Variants in RSPO4 observed in about 807,000 individuals in gnomAD.
RSPO4 encodes the protein R-spondin-4.
A neutral mutation model predicts 24.8 loss-of-function variants in RSPO4; 23 were observed. The observed-to-expected ratio is 0.93, with a 90% CI of 0.67 to 1.31. The LOEUF is 1.31. RSPO4 is among the 40% of genes most tolerant of loss of function. The pLI is 0.00. For missense variants in RSPO4, 333 were observed against 316.5 expected (o/e 1.05, Z -0.39); for synonymous variants, 141 against 127.4 (o/e 1.11, Z -0.72).
intron 4 of RSPO4, among the ~76,000 whole-genome samples, chr20:962,542 C>CTT (rs1984035029): frequency 1.3e-5 from 2 of 152,182 alleles, no homozygotes; most frequent in Non-Finnish European, 2.9e-5. Context: ...GAACTGTCTG[C>CTT]CTCCTGTGTG....
rs1568899184 is a variant in RSPO4 at position 959,999 on chromosome 20, C to T, written c.*358G>A. On this transcript the variant is annotated 3_prime_UTR_variant, in exon 5 of 5. Transcript: ENST00000217260. Reference sequence around the variant, plus strand: ...CAGGGGAGGGCACAGGCTCATGGTCCCTCTTAAAGTGTGTGTGAGAGGGAG... The same window carrying T: ...CAGGGGAGGGCACAGGCTCATGGTCTCTCTTAAAGTGTGTGTGAGAGGGAG... 3.5e-6 allele frequency: 1 copy of T among 285,334 alleles called. No individual in the cohort carries two copies. Among genetic ancestry groups the T allele is most frequent in the Non-Finnish European group, 6.6e-6 (1 of 150,830 alleles). 17.7% of individuals were successfully genotyped at this position (285,334 alleles called of 1,614,324 possible).
Position 983,524 on chromosome 20 carries a change from AC to A in RSPO4, c.80-15387del, listed in dbSNP as rs562135954. Among the ~76,000 whole-genome samples, 4 of 152,112 alleles carry A rather than the reference AC, an allele frequency of 2.6e-5. 1 individual carries two copies. The South Asian group carries it at 8.3e-4, about 32-fold the overall frequency. On this transcript the variant is annotated intron_variant, in intron 1 of 4. Transcript: ENST00000217260. ...AGAGGCAGCCTCTGAGAGCTTGGAT[AC>A]CCCCTAAGGAACCTTTGAACCCCAG...
At chr20:976,186 C>T (rs538501567) in intron 1 of RSPO4, among the ~76,000 whole-genome samples, 7 of 152,190 alleles carry the variant, frequency 4.6e-5, no homozygotes, top group Non-Finnish European at 1.0e-4. Flanking sequence ...ACAGTAGGTG[C>T]TCCTCTGTAA....
At chr20:961,085 C>T (rs886339246) in intron 4 of RSPO4, among the ~76,000 whole-genome samples, 4 of 152,078 alleles carry the variant, frequency 2.6e-5, no homozygotes, top group African/African-American at 9.7e-5. Flanking sequence ...TGCCAGGCTA[C>T]CTTTCCTTTC....
At chr20:988,487 G>T (rs1196760046) in intron 1 of RSPO4, among the ~76,000 whole-genome samples, 1 of 152,150 alleles carries the variant, frequency 6.6e-6, no homozygotes, top group Non-Finnish European at 1.5e-5. Context: ...AGATTAAAGG[G>T]TAAGTGACTC....
chr20:996,349 G>T (rs1289869599), intron 1 of RSPO4, among the ~76,000 whole-genome samples: 2 of 152,082 alleles, frequency 1.3e-5, no homozygotes, highest in African/African-American at 4.8e-5. Context: ...TAAACTAATG[G>T]GAGCTTCAGT....
At position 970,080 on chromosome 20, in the gene RSPO4, T is replaced by C. The variant is rs972648651; in HGVS notation, c.80-1942A>G. Among the ~76,000 whole-genome samples, 1 of 151,886 alleles carries C rather than the reference T, an allele frequency of 6.6e-6. No individual in the cohort carries two copies. Among genetic ancestry groups the C allele is most frequent in the Non-Finnish European group, 1.5e-5 (1 of 67,968 alleles). On this transcript the variant is annotated intron_variant, in intron 1 of 4. Transcript: ENST00000217260. The surrounding 1 kb of genome is among the most constrained non-coding windows in gnomAD (Gnocchi z 4.1). ...CCCCCTGGAACAGAAACCAAAAGAG[T>C]TCTGGCCCTCCTTTAAGTTGGCAGC...
chr20:997,506 C>T (rs1985333044), intron 1 of RSPO4, among the ~76,000 whole-genome samples: 1 of 152,196 alleles, frequency 6.6e-6, no homozygotes, highest in South Asian at 2.1e-4. Context: ...TATTAAGACT[C>T]AGCGCCATTC....
intron 1 of RSPO4, among the ~76,000 whole-genome samples, chr20:1,001,277 T>C (rs1191632329): frequency 6.6e-6 from 1 of 152,208 alleles, no homozygotes; most frequent in Non-Finnish European, 1.5e-5. Context: ...ATTTGCTCAC[T>C]TGCTCACCCG....
At chr20:968,260 A>G in intron 1 of RSPO4, 122 bp from the exon 2 acceptor site, 2 of 814,472 alleles carry the variant, frequency 2.5e-6, no homozygotes, top group Admixed American at 2.1e-5. Context: ...CCCAAACAAA[A>G]GACTACATTT....
chr20:982,667 C>T (rs769454375), intron 1 of RSPO4, among the ~76,000 whole-genome samples: 19 of 152,172 alleles, frequency 1.2e-4, no homozygotes, highest in African/African-American at 1.7e-4. Flanking sequence ...GTGGGCTGGT[C>T]TGATGTGACC....
rs1984735026 is a variant in RSPO4 at position 981,539 on chromosome 20, T to C, written c.80-13401A>G. Among the ~76,000 whole-genome samples the C allele has an allele frequency of 6.6e-6, 1 of 151,892 alleles. No homozygotes were observed. On this transcript the variant is annotated intron_variant, in intron 1 of 4. Transcript: ENST00000217260. This position sits in a 1 kb window ranked among gnomAD's most constrained non-coding sequence, Gnocchi z 4.6. ...ACGCTGTCTCAAAAAAGATAAGATA[T>C]AAAATAAAATAAAATAAAAATAAAA...
intron 1 of RSPO4, among the ~76,000 whole-genome samples, chr20:983,662 T>C (rs1031735136): frequency 1.3e-5 from 2 of 152,150 alleles, no homozygotes; most frequent in Non-Finnish European, 2.9e-5. Flanking sequence ...CGTCTGTAAA[T>C]GGGGATAACG....
chr20:962,618 C>T (rs1034627898), intron 4 of RSPO4, among the ~76,000 whole-genome samples: 2 of 152,144 alleles, frequency 1.3e-5, no homozygotes, highest in Non-Finnish European at 2.9e-5. Context: ...TCTGTCCTCA[C>T]CTGCCCAACA....
At chr20:963,851 C>T (rs1237401931) in intron 4 of RSPO4, 84 bp downstream of exon 4, 22 of 1,376,234 alleles carry the variant, frequency 1.6e-5, no homozygotes, top group Non-Finnish European at 2.3e-5. Flanking sequence ...CTCATAGATA[C>T]TATTTGTGGG....
chr20:967,582 C>T (rs887595782), intron 2 of RSPO4, among the ~76,000 whole-genome samples: 1 of 152,194 alleles, frequency 6.6e-6, no homozygotes, highest in South Asian at 2.1e-4. Context: ...AGTGAGGACT[C>T]CCTGCTTCTT....
chr20:960,364 T>C lies in RSPO4; in HGVS notation c.698A>G (p.Gln233Arg). 1 of 1,536,226 alleles carries C rather than the reference T, an allele frequency of 6.5e-7. No individual in the cohort carries two copies. The highest frequency in any genetic ancestry group is 1.2e-5 in the South Asian group (1 of 84,008). ...AGTCGGGAGAGCCGGCGGTCAGGGC[T>C]GCAGGCCGGGCTGGCGCGGCCTCAC... ...LDVRPRQPGL[Q>R]P The change falls in exon 5 of 5, where the codon CAG becomes CGG. Residue 233 changes from glutamine to arginine, a missense_variant. Coordinates refer to ENST00000217260, the MANE Select transcript of RSPO4 (RefSeq NM_001029871.4).
chr20:980,681 G>A (rs1243482652), intron 1 of RSPO4, among the ~76,000 whole-genome samples: 2 of 152,152 alleles, frequency 1.3e-5, no homozygotes, highest in Non-Finnish European at 2.9e-5. Flanking sequence ...TTGCAGGGGT[G>A]GAGAGGGTGG....
chr20:993,203 G>A (rs756362288), intron 1 of RSPO4, among the ~76,000 whole-genome samples: 3 of 152,172 alleles, frequency 2.0e-5, no homozygotes, highest in South Asian at 2.1e-4. Flanking sequence ...CACCCCCTCC[G>A]CAATGGCACA....
Sources: allele counts gnomAD v4.1 joint callset (sites outside exome capture counted in the v4.1 genomes callset), GRCh38; gene constraint gnomAD v4.1.1; non-coding constraint Gnocchi (gnomAD v3.1); transcripts MANE v1.5; gene names NCBI Gene and HGNC (gene_info 2026-07-23, HGNC 2026-07-21).